RB1: variants seen among roughly 807,000 people sequenced by gnomAD.
RB1 encodes the protein retinoblastoma-associated protein.
Under a neutral mutation model 135.4 loss-of-function variants are expected in RB1, and 18 were observed. That is an observed-to-expected ratio of 0.13 (90% CI 0.09 to 0.20). RB1 has a LOEUF of 0.20. Ranked by LOEUF, RB1 falls within the 10% of genes least tolerant of loss-of-function variation. The pLI is 1.00. For missense variants in RB1, 868 were observed against 1,110.0 expected (o/e 0.78, Z 3.10); for synonymous variants, 365 against 373.2 (o/e 0.98, Z 0.25).
intron 2 of RB1, chr13:48,318,894 C>T (rs901648658): frequency 1.1e-5 from 13 of 1,138,070 alleles, no homozygotes; most frequent in Admixed American, 1.0e-4. Flanking sequence ...TCGATGCTGT[C>T]GTCGCTGTCC....
chr13:48,439,164 G>A (rs1394368419), intron 17 of RB1, among the ~76,000 whole-genome samples: 1 of 152,140 alleles, frequency 6.6e-6, no homozygotes, highest in Non-Finnish European at 1.5e-5. Flanking sequence ...TTGAATCACT[G>A]CTCCATCACT....
At chr13:48,425,052 CA>C (rs933328070) in intron 17 of RB1, among the ~76,000 whole-genome samples, 1 of 144,444 alleles carries the variant, frequency 6.9e-6, no homozygotes. Context: ...GACTCTGTCT[CA>C]AAAAAAAAGA....
At chr13:48,442,903 C>A (rs1949252000) in intron 17 of RB1, among the ~76,000 whole-genome samples, 1 of 151,936 alleles carries the variant, frequency 6.6e-6, no homozygotes. Flanking sequence ...TACCCAACAC[C>A]ACAAAGTAAC....
intron 8 of RB1, among the ~76,000 whole-genome samples, chr13:48,363,246 A>G (rs1486501225): frequency 6.6e-6 from 1 of 151,526 alleles, no homozygotes; most frequent in Non-Finnish European, 1.5e-5. Context: ...TGATACCCCT[A>G]ATGTTTTAAA....
intron 26 of RB1, among the ~76,000 whole-genome samples, chr13:48,478,293 T>G (rs986178148): frequency 5.3e-5 from 8 of 152,216 alleles, no homozygotes; most frequent in African/African-American, 1.9e-4. Context: ...GGATGCTTTT[T>G]TTCTATGTAT....
chr13:48,379,558 T>C (rs1261777147), intron 13 of RB1, 36 bp from the exon 14 acceptor site: 1 of 1,598,516 alleles, frequency 6.3e-7, no homozygotes, highest in Non-Finnish European at 8.5e-7. Flanking sequence ...TTTTCTAAAA[T>C]AGCAGGCTCT....
At chr13:48,374,898 T>C (rs1249151700) in intron 12 of RB1, among the ~76,000 whole-genome samples, 1 of 152,174 alleles carries the variant, frequency 6.6e-6, no homozygotes, top group Non-Finnish European at 1.5e-5. Flanking sequence ...CAGTGTCTAT[T>C]GCTGCCATCT....
intron 2 of RB1, among the ~76,000 whole-genome samples, chr13:48,321,238 C>T (rs1952235835): frequency 2.0e-5 from 3 of 151,998 alleles, no homozygotes; most frequent in Admixed American, 6.5e-5. Context: ...GTTGCATTTG[C>T]TTTTGGTGAC....
intron 17 of RB1, among the ~76,000 whole-genome samples, chr13:48,441,532 T>G (rs960462686): frequency 7.2e-5 from 11 of 152,106 alleles, no homozygotes; most frequent in Non-Finnish European, 1.5e-4. Context: ...ATTGGAAGCT[T>G]TAAGGATTAT....
In RB1 at chr13:48,376,781, T is replaced by C. The variant is rs1012780533; in HGVS notation, c.1216-137T>C. On this transcript the variant is annotated intron_variant, in intron 12 of 26. Coordinates refer to ENST00000267163, the MANE Select transcript of RB1 (RefSeq NM_000321.3). Reference sequence around the variant, plus strand: ...GATATTGTCTGCTTATGTTCAGTAGTTGTGGTTACCTAGTTATTATGGAAG... The same window carrying C: ...GATATTGTCTGCTTATGTTCAGTAGCTGTGGTTACCTAGTTATTATGGAAG... 5 of 1,284,866 alleles carry C rather than the reference T, an allele frequency of 3.9e-6. No homozygotes were observed. The African/African-American group carries it at 5.9e-5, about 15-fold the overall frequency. 79.6% of individuals were successfully genotyped at this position (1,284,866 alleles called of 1,614,324 possible). A position where few individuals can be genotyped will look rare whatever the true frequency, so the allele number is the denominator to read the frequency against.
chr13:48,367,682 C>A, intron 10 of RB1, 79 bp downstream of exon 10: 1 of 1,481,548 alleles, frequency 6.7e-7, no homozygotes, highest in Non-Finnish European at 9.1e-7. Flanking sequence ...TAGTCTTTAG[C>A]TTAGTGACCT....
intron 17 of RB1, among the ~76,000 whole-genome samples, chr13:48,387,735 GTTTTAA>G (rs1566201643): frequency 3.3e-5 from 5 of 152,030 alleles, no homozygotes; most frequent in Admixed American, 3.3e-4. Context: ...TTAAATTTCT[GTTTTAA>G]TTAAATTTTA....
chr13:48,476,785 C>T lies in RB1; in HGVS notation c.2605C>T (p.Pro869Ser), dbSNP rs1415559108. The T allele has an allele frequency of 6.2e-7, 1 of 1,613,570 alleles. No homozygotes were observed. Among genetic ancestry groups the T allele is most frequent in the Non-Finnish European group, 8.5e-7 (1 of 1,179,724 alleles). ...AAGAAGTGCTGAAGGAAGCAACCCT[C>T]CTAAACCACTGAAAAAACTACGCTT... is the stretch of plus-strand genomic sequence containing the variant. ...LKRSAEGSNP[P>S]KPLKKLRFDI... is the part of the protein sequence containing the mutation. The change falls in exon 25 of 27, where the codon CCT (proline) becomes TCT (serine). Residue 869 changes from proline (P) to serine (S), a missense_variant. Around this residue, in one of 3 missense-constraint regions of RB1, gnomAD observed 196 missense variants for 239.8 expected, o/e 0.82. Coordinates refer to ENST00000267163, the MANE Select transcript of RB1 (RefSeq NM_000321.3).
chr13:48,459,935 TTC>T (rs1491451873), intron 20 of RB1, 102 bp downstream of exon 20: 8 of 499,326 alleles, frequency 1.6e-5, no homozygotes, highest in Admixed American at 4.9e-5. Context: ...CTTTCTTTCT[TTC>T]TTTCTTTCTT....
intron 17 of RB1, among the ~76,000 whole-genome samples, chr13:48,449,505 C>T (rs1949312494): frequency 6.6e-6 from 1 of 152,174 alleles, no homozygotes; most frequent in African/African-American, 2.4e-5. Context: ...TTCTCACCTA[C>T]TGAGTAGGTT....
At chr13:48,314,733 G>A (rs563254716) in intron 2 of RB1, among the ~76,000 whole-genome samples, 10 of 151,978 alleles carry the variant, frequency 6.6e-5, no homozygotes, top group Non-Finnish European at 1.2e-4. Context: ...CCCGGGAGGC[G>A]GAGGTTGCAG....
intron 17 of RB1, among the ~76,000 whole-genome samples, chr13:48,382,213 T>G (rs1410550560): frequency 6.6e-6 from 1 of 152,228 alleles, no homozygotes; most frequent in African/African-American, 2.4e-5. Flanking sequence ...TATAATCCTT[T>G]GGGTATATAC....
At chr13:48,411,723 T>C in intron 17 of RB1, 1 of 1,606,244 alleles carries the variant, frequency 6.2e-7, no homozygotes, top group Non-Finnish European at 8.5e-7. Context: ...TATGATCAAA[T>C]GTACAAAAAT....
At position 48,328,428 on chromosome 13, in the gene RB1, G is replaced by T. The variant is rs1375357770; in HGVS notation, c.265-14171G>T. ...AAAGTTGGAGATCTTTGCAGGCTTT[G>T]TTGGAGGTCTGCAGCTTCTTCTTCA... is the stretch of plus-strand genomic sequence containing the variant. On this transcript the variant is annotated intron_variant, in intron 2 of 26. Coordinates refer to ENST00000267163, the MANE Select transcript of RB1 (RefSeq NM_000321.3). 15 of 1,242,864 alleles carry T rather than the reference G, an allele frequency of 1.2e-5. No individual in the cohort carries two copies. In the South Asian group the frequency reaches 1.8e-4, roughly 15 times the overall value. 77.0% of individuals were successfully genotyped at this position (1,242,864 alleles called of 1,614,324 possible). A position where few individuals can be genotyped will look rare whatever the true frequency, so the allele number is the denominator to read the frequency against.
Sources: allele counts gnomAD v4.1 joint callset (sites outside exome capture counted in the v4.1 genomes callset), GRCh38; gene constraint gnomAD v4.1.1; regional missense constraint gnomAD v4.1.1; transcripts MANE v1.5; gene names NCBI Gene and HGNC (gene_info 2026-07-23, HGNC 2026-07-21).